Variants in EDA2R observed in about 807,000 individuals in gnomAD.
EDA2R encodes tumor necrosis factor receptor superfamily member 27.
Under a neutral mutation model 20.1 loss-of-function variants are expected in EDA2R, and 26 were observed. That is an observed-to-expected ratio of 1.30 (90% CI 0.95 to 1.80). The LOEUF (loss-of-function observed/expected upper bound fraction) is 1.80. Among genes scored for constraint, EDA2R ranks in the 40% most tolerant of loss-of-function variants. EDA2R has a pLI of 0.00. For missense variants in EDA2R, 277 were observed against 228.7 expected (o/e 1.21, Z -1.36); for synonymous variants, 114 against 88.7 (o/e 1.29, Z -1.60).
intron 1 of EDA2R, among the ~76,000 whole-genome samples, chrX:66,621,866 A>G (rs771392424): frequency 1.8e-5 from 2 of 112,421 alleles, no homozygotes; most frequent in East Asian, 5.6e-4. Context: ...CTAGTGAATT[A>G]TACACTTTAA....
In EDA2R at chrX:66,599,926, G is replaced by T. The variant is rs140772275; in HGVS notation, c.518-66C>A. On this transcript the variant is annotated intron_variant, in intron 5 of 6. Transcript: ENST00000374719. ...AGGGGCTCTTCTCAGCTGGGCACTG[G>T]GTACTGAGTACAAGACAGGTAAAGG... The T allele has an allele frequency of 2.7e-4, 307 of 1,157,684 alleles. No individual in the cohort carries two copies. The African/African-American group carries it at 4.6e-3, about 17-fold the overall frequency.
intron 1 of EDA2R, among the ~76,000 whole-genome samples, chrX:66,618,765 T>C (rs1486771946): frequency 9.0e-6 from 1 of 110,769 alleles, no homozygotes; most frequent in Non-Finnish European, 1.9e-5. Context: ...TTTAAGATAA[T>C]GACTTTCCAA....
intron 1 of EDA2R, among the ~76,000 whole-genome samples, chrX:66,629,722 T>C (rs908264884): frequency 1.8e-5 from 2 of 111,858 alleles, no homozygotes; most frequent in Non-Finnish European, 3.8e-5. Context: ...CATCCCATGC[T>C]CATGGATGGG....
At chrX:66,621,225 C>T (rs948384526) in intron 1 of EDA2R, among the ~76,000 whole-genome samples, 5 of 111,487 alleles carry the variant, frequency 4.5e-5, no homozygotes, top group East Asian at 5.6e-4. Context: ...TGCAGTGAGC[C>T]GAGATCGTGC....
chrX:66,614,879 C>T (rs1256589799), intron 2 of EDA2R, among the ~76,000 whole-genome samples: 4 of 111,456 alleles, frequency 3.6e-5, no homozygotes, highest in Non-Finnish European at 7.5e-5. Flanking sequence ...TCTCTCTGAC[C>T]TCTTTGTGTA....
At position 66,635,940 on chromosome X, in the gene EDA2R, G is replaced by T. The variant is rs1934278922; in HGVS notation, c.-11+3055C>A. 3.6e-5 allele frequency among the ~76,000 whole-genome samples: 4 copies of T among 110,901 alleles called. No homozygotes were observed. The Admixed American group carries it at 3.8e-4, about 11-fold the overall frequency. On this transcript the variant is annotated intron_variant, in intron 1 of 6. Coordinates refer to ENST00000374719, the MANE Select transcript of EDA2R (RefSeq NM_021783.5). The stretch of plus-strand genomic sequence containing the variant: ...TTTTGAGATAGGGTCTCACTTTGTT[G>T]CCCAGGCTGGAGTGTAGTGGCATGA...
At chrX:66,606,031 C>T (rs767115992) in intron 2 of EDA2R, among the ~76,000 whole-genome samples, 4 of 111,507 alleles carry the variant, frequency 3.6e-5, no homozygotes, top group Non-Finnish European at 5.7e-5. Context: ...TCCTTCCCCC[C>T]GACCCCCAGT....
At position 66,596,658 on chromosome X, in the gene EDA2R, CCT is replaced by C. The variant is rs1387583717; in HGVS notation, c.*1444_*1445del. 8.1e-5 allele frequency: 9 copies of C among 111,291 alleles called. No homozygotes were observed. Among genetic ancestry groups the C allele is most frequent in the South Asian group, 3.8e-4 (1 of 2,615 alleles). The allele number at this position is 111,291 out of a possible 1,213,427, so 9.2% of individuals were successfully genotyped here. A position where few individuals can be genotyped will look rare whatever the true frequency, so the allele number is the denominator to read the frequency against. ...GCAGCCTGCTGAAGCCAAATCATCC[CCT>C]GTCTGGATATTATTTCTTCTACCAG... On this transcript the variant is annotated 3_prime_UTR_variant, in exon 7 of 7. Transcript: ENST00000374719.
chrX:66,604,319 C>A (rs2147621318), intron 4 of EDA2R, 102 bp downstream of exon 4: 1 of 683,876 alleles, frequency 1.5e-6, no homozygotes, highest in East Asian at 3.5e-5. Flanking sequence ...CCACTCTACT[C>A]TACATGAAAA....
intron 2 of EDA2R, among the ~76,000 whole-genome samples, chrX:66,609,855 T>C (rs1930403728): frequency 8.9e-6 from 1 of 111,960 alleles, no homozygotes; most frequent in South Asian, 3.7e-4. Context: ...TGAAAAATGA[T>C]AAAATTTGAT....
intron 2 of EDA2R, among the ~76,000 whole-genome samples, chrX:66,613,391 T>C (rs933518188): frequency 7.2e-5 from 8 of 111,187 alleles, no homozygotes; most frequent in African/African-American, 2.6e-4. Context: ...CAATCAGAAA[T>C]AGATCACAAA....
intron 2 of EDA2R, among the ~76,000 whole-genome samples, chrX:66,610,374 A>T (rs1930530065): frequency 9.1e-6 from 1 of 110,222 alleles, no homozygotes; most frequent in African/African-American, 3.3e-5. Context: ...TGCCTAGAAC[A>T]TAGTAATCCT....
At chrX:66,614,258 C>T (rs1931286034) in intron 2 of EDA2R, among the ~76,000 whole-genome samples, 1 of 111,552 alleles carries the variant, frequency 9.0e-6, no homozygotes, top group South Asian at 3.8e-4. Flanking sequence ...AACAAAACAG[C>T]AAGATGTCCA....
At chrX:66,604,934 G>C in intron 3 of EDA2R, 114 bp downstream of exon 3, 1 of 711,047 alleles carries the variant, frequency 1.4e-6, no homozygotes, top group Non-Finnish European at 2.0e-6. Context: ...AGCTTAAACT[G>C]AATATTATGT....
intron 1 of EDA2R, among the ~76,000 whole-genome samples, chrX:66,634,157 G>A (rs1238423205): frequency 8.9e-6 from 1 of 112,018 alleles, no homozygotes; most frequent in Non-Finnish European, 1.9e-5. Context: ...AGAATACAAT[G>A]AGAACTATAG....
chrX:66,610,279 A>ACACT (rs1271439332), intron 2 of EDA2R, among the ~76,000 whole-genome samples: 2 of 106,186 alleles, frequency 1.9e-5, no homozygotes, highest in Non-Finnish European at 3.9e-5. Context: ...ACAAACACAC[A>ACACT]CACACACACA....
At chrX:66,608,514 G>T (rs1930105146) in intron 2 of EDA2R, among the ~76,000 whole-genome samples, 1 of 112,192 alleles carries the variant, frequency 8.9e-6, no homozygotes, top group South Asian at 3.7e-4. Context: ...ATCACAAAGT[G>T]CAGAGACTTA....
In EDA2R at chrX:66,624,884, G is replaced by A. The variant is rs747776065; in HGVS notation, c.-10-8854C>T. ...CCATTCCTTAACACACACCCACACT[G>A]GGGAAACACTTAACACACTGGGGAA... On this transcript the variant is annotated intron_variant, in intron 1 of 6. Coordinates refer to ENST00000374719, the MANE Select transcript of EDA2R (RefSeq NM_021783.5). Among the ~76,000 whole-genome samples, 6 of 112,208 alleles carry A rather than the reference G, an allele frequency of 5.3e-5. No homozygotes were observed. In the East Asian group the frequency reaches 1.4e-3, roughly 26 times the overall value.
intron 4 of EDA2R, 90 bp downstream of exon 4, chrX:66,604,331 G>A: frequency 1.3e-6 from 1 of 796,476 alleles, no homozygotes; most frequent in Admixed American, 2.8e-5. Context: ...ACATGAAAAG[G>A]TATGAGGGGA....
Sources: allele counts gnomAD v4.1 joint callset (sites outside exome capture counted in the v4.1 genomes callset), GRCh38; gene constraint gnomAD v4.1.1; transcripts MANE v1.5; gene names NCBI Gene and HGNC (gene_info 2026-07-23, HGNC 2026-07-21).